The following NAV2 variants were observed in gnomAD, a reference collection of about 807,000 sequenced individuals.
NAV2 encodes the protein helicase, APC down-regulated 1.
In NAV2, 54 loss-of-function variants were observed where a neutral mutation model predicts 223.2. The ratio of observed to expected loss-of-function variants is 0.24; its 90% CI spans 0.19 to 0.30. The LOEUF (loss-of-function observed/expected upper bound fraction) is 0.30, where lower values mean the gene tolerates loss of function less well. Among genes scored for constraint, NAV2 ranks in the 10% least tolerant of loss-of-function variants. The pLI, the probability that NAV2 is intolerant of heterozygous loss-of-function variation, is 1.00. For missense variants in NAV2, 2,806 were observed against 3,147.5 expected, an observed-to-expected ratio of 0.89 and a Z score of 2.60; for synonymous variants, 1,279 against 1,239.3, an observed-to-expected ratio of 1.03 and a Z score of -0.67.
intron 3 of NAV2, among the ~76,000 whole-genome samples, chr11:19,863,578 A>T (rs11025299): frequency 0.15 from 22,123 of 152,122 alleles, 1,994 homozygotes; most frequent in East Asian, 0.28. Flanking sequence ...AGCAAAGCAG[A>T]CAAAAAACCC....
At chr11:19,551,694 G>T (rs570949934) in intron 1 of NAV2, among the ~76,000 whole-genome samples, 6 of 152,282 alleles carry the variant, frequency 3.9e-5, no homozygotes, top group Admixed American at 3.9e-4. Flanking sequence ...GTGAAACCCA[G>T]CCACGTCCTG....
chr11:20,079,995 G>A (rs899705694), intron 24 of NAV2, 69 bp from the exon 25 acceptor site: 3 of 1,575,728 alleles, frequency 1.9e-6, no homozygotes, highest in African/African-American at 2.7e-5. Flanking sequence ...TTGCTTAAAG[G>A]GCAAAATCCT....
At chr11:19,992,440 A>C (rs1297638099) in intron 11 of NAV2, among the ~76,000 whole-genome samples, 2 of 152,218 alleles carry the variant, frequency 1.3e-5, no homozygotes, top group African/African-American at 4.8e-5. Flanking sequence ...TCACTTTAAA[A>C]AGGAAAGAGC....
intron 12 of NAV2, among the ~76,000 whole-genome samples, chr11:20,039,035 G>C (rs1290365205): frequency 1.3e-5 from 2 of 152,188 alleles, no homozygotes; most frequent in African/African-American, 4.8e-5. Context: ...CAGCTGTCCA[G>C]CATCAGCTCC....
At chr11:19,503,056 T>A (rs186648807) in intron 1 of NAV2, 2 of 152,374 alleles carry the variant, frequency 1.3e-5, no homozygotes, top group African/African-American at 4.8e-5. Flanking sequence ...CTTATGATCA[T>A]GATGTGTGGA....
At chr11:19,443,686 C>T (rs995174471) in intron 1 of NAV2, among the ~76,000 whole-genome samples, 8 of 152,328 alleles carry the variant, frequency 5.3e-5, no homozygotes, top group Non-Finnish European at 8.8e-5. Flanking sequence ...CTGCTTTCTA[C>T]AAGACCCAGA....
At position 19,933,048 on chromosome 11, in the gene NAV2, A is replaced by C; in HGVS notation, c.932-128A>C. On this transcript the variant is annotated intron_variant, in intron 6 of 37. Transcript: ENST00000349880. The surrounding 1 kb of genome is among the most constrained non-coding windows in gnomAD (Gnocchi z 4.3). ...AAAACCTAACCACAGATAATCCACA[A>C]AGTGGGCAATGGAGCTATACGGCAT... 1 of 1,144,448 alleles carries C rather than the reference A, an allele frequency of 8.7e-7. No individual in the cohort carries two copies. The highest frequency in any genetic ancestry group is 1.2e-6 in the Non-Finnish European group (1 of 849,382). The allele number at this position is 1,144,448 out of a possible 1,614,324, so 70.9% of individuals were successfully genotyped here.
intron 5 of NAV2, among the ~76,000 whole-genome samples, chr11:19,888,929 G>A (rs539793799): frequency 2.6e-5 from 4 of 152,058 alleles, no homozygotes; most frequent in African/African-American, 7.2e-5. Context: ...TGAACTTCAC[G>A]TATTTTACCA....
chr11:20,068,240 C>T (rs1433336934), intron 21 of NAV2, 31 bp downstream of exon 21: 4 of 1,613,306 alleles, frequency 2.5e-6, no homozygotes, highest in East Asian at 4.5e-5. Context: ...TGGATTTCCT[C>T]TTTAAGTATT....
At chr11:19,701,701 A>G (rs2049515367) in intron 1 of NAV2, among the ~76,000 whole-genome samples, 2 of 152,252 alleles carry the variant, frequency 1.3e-5, no homozygotes, top group South Asian at 4.1e-4. Context: ...ATTTTTGGAA[A>G]ACAATTTAAT....
intron 1 of NAV2, among the ~76,000 whole-genome samples, chr11:19,428,079 G>A (rs1850903612): frequency 6.6e-6 from 1 of 151,994 alleles, no homozygotes. Context: ...GGTTGTAAAA[G>A]GATTCTCCAA....
intron 1 of NAV2, among the ~76,000 whole-genome samples, chr11:19,614,694 A>G (rs2046743022): frequency 6.6e-6 from 1 of 152,066 alleles, no homozygotes. Flanking sequence ...ACCCAGCTCT[A>G]TGGGCCAGTG....
At position 19,444,371 on chromosome 11, in the gene NAV2, T is replaced by C. The variant is rs116621898; in HGVS notation, c.75+93344T>C. 4.1e-3 allele frequency among the ~76,000 whole-genome samples: 618 copies of C among 152,342 alleles called. 2 individuals carry two copies. Among genetic ancestry groups the C allele is most frequent in the African/African-American group, 0.014 (587 of 41,590 alleles). On this transcript the variant is annotated intron_variant, in intron 1 of 37. Coordinates refer to the NAV2 transcript ENST00000360655. ...AAGCCCTGCCCAGCCAGGAACTCCA[T>C]TCCTCAACCTTTCTTGCATCTAGGG...
At chr11:19,575,414 C>T (rs759472956) in intron 1 of NAV2, 16 of 154,296 alleles carry the variant, frequency 1.0e-4, no homozygotes, top group Middle Eastern at 5.9e-4. Context: ...TGGGCTCCTA[C>T]AGCAGCCAGA....
intron 1 of NAV2, among the ~76,000 whole-genome samples, chr11:19,767,070 A>G (rs1296070886): frequency 1.3e-5 from 2 of 152,194 alleles, no homozygotes; most frequent in Non-Finnish European, 2.9e-5. Context: ...AAACTGACTC[A>G]TGCACCAGGC....
intron 30 of NAV2, among the ~76,000 whole-genome samples, chr11:20,096,753 G>C (rs1233969815): frequency 6.6e-6 from 1 of 152,154 alleles, no homozygotes; most frequent in Admixed American, 6.5e-5. Flanking sequence ...TCTGTTTTTT[G>C]ACTGGAGATT....
intron 1 of NAV2, among the ~76,000 whole-genome samples, chr11:19,375,253 C>A (rs192878944): frequency 2.6e-5 from 4 of 152,310 alleles, no homozygotes; most frequent in Admixed American, 6.5e-5. Context: ...ACCCTTTCTT[C>A]CATGAGGTTA....
chr11:20,063,948 T>C (rs2058874136), intron 20 of NAV2, among the ~76,000 whole-genome samples: 1 of 152,202 alleles, frequency 6.6e-6, no homozygotes, highest in South Asian at 2.1e-4. Context: ...CAGTGATTGC[T>C]GATATGGTCT....
chr11:19,692,782 A>C (rs2049216733), intron 1 of NAV2, among the ~76,000 whole-genome samples: 1 of 152,204 alleles, frequency 6.6e-6, no homozygotes, highest in Admixed American at 6.5e-5. Flanking sequence ...CAGCAGAAAA[A>C]AACCCTTGCT....
Sources: gnomAD v4.1 joint callset for allele counts (sites outside exome capture counted in the v4.1 genomes callset) on GRCh38, gnomAD v4.1.1 for gene constraint, Gnocchi (gnomAD v3.1) non-coding constraint, MANE v1.5 for transcripts, NCBI Gene and HGNC (gene_info 2026-07-23, HGNC 2026-07-21) for gene names.